GRAP2: variants seen among roughly 807,000 people sequenced by gnomAD.
GRAP2 encodes the protein GRB2-related adapter protein 2.
Under a neutral mutation model 43.5 loss-of-function variants are expected in GRAP2, and 31 were observed. The ratio of observed to expected loss-of-function variants is 0.71; its 90% confidence interval spans 0.54 to 0.96. The LOEUF (loss-of-function observed/expected upper bound fraction) is 0.96. Among genes scored for constraint, GRAP2 ranks in the 40% least tolerant of loss-of-function variants. The pLI is 0.00. For missense variants in GRAP2, 371 were observed against 424.4 expected (o/e 0.87, Z 1.11); for synonymous variants, 156 against 164.8 (o/e 0.95, Z 0.41).
rs1459399482 is a variant in GRAP2 at position 39,901,306 on chromosome 22, A to T, written c.-39A>T. ...AACTCGGTGTCAAAGCCAAGACATA[A>T]ACTCAACCCCTTCTCTTCCAAAAGG... On this transcript the variant is annotated 5_prime_UTR_variant, in exon 1 of 8. Coordinates refer to ENST00000344138, the MANE Select transcript of GRAP2 (RefSeq NM_004810.4). 1 of 1,264,356 alleles carries T rather than the reference A, an allele frequency of 7.9e-7. No homozygotes were observed. The highest frequency in any genetic ancestry group is 1.0e-6 in the Non-Finnish European group (1 of 966,128). The allele number at this position is 1,264,356 out of a possible 1,614,324, so 78.3% of individuals were successfully genotyped here.
chr22:39,942,553 G>A (rs974675163), intron 1 of GRAP2, among the ~76,000 whole-genome samples: 1 of 151,986 alleles, frequency 6.6e-6, no homozygotes. Flanking sequence ...AGGAAGCTGA[G>A]GCAGGTGGAT....
intron 1 of GRAP2, among the ~76,000 whole-genome samples, chr22:39,932,549 A>G (rs1321574645): frequency 2.6e-5 from 2 of 77,092 alleles, no homozygotes; most frequent in African/African-American, 2.3e-4. Flanking sequence ...CTGTCTCTAC[A>G]AAAAAAAAAA....
intron 1 of GRAP2, among the ~76,000 whole-genome samples, chr22:39,923,194 G>A (rs1299993958): frequency 6.6e-6 from 1 of 152,178 alleles, no homozygotes; most frequent in East Asian, 1.9e-4. Flanking sequence ...GGGCAGTGGT[G>A]CCAGATAGTG....
chr22:39,921,250 G>C (rs1350195234), intron 1 of GRAP2, among the ~76,000 whole-genome samples: 2 of 152,160 alleles, frequency 1.3e-5, no homozygotes, highest in Admixed American at 6.5e-5. Context: ...TTTCTCAGCT[G>C]TGTGACCTGG....
intron 1 of GRAP2, among the ~76,000 whole-genome samples, chr22:39,917,377 G>A (rs1316501868): frequency 2.6e-5 from 4 of 152,040 alleles, no homozygotes; most frequent in African/African-American, 4.8e-5. Context: ...CTAACAACAC[G>A]CCTCTCCCCT....
Position 39,960,086 on chromosome 22 carries a change from G to A in GRAP2, c.202G>A (p.Ala68Thr). The part of the protein sequence containing the change: ...WFHEGLSRHQ[A>T]ENLLMGKEVG... Reference sequence around the variant, plus strand: ...TCACGAAGGCCTCTCTCGACACCAGGCAGAGAACTTACTCATGGGCAAGGA... The same window carrying A: ...TCACGAAGGCCTCTCTCGACACCAGACAGAGAACTTACTCATGGGCAAGGA... Residue 68 changes from alanine (A) to threonine (T), a missense_variant, in exon 4 of 8, where the codon GCA (alanine) becomes ACA (threonine). By Grantham distance (58) the Ala-to-Thr change is moderately conservative. Transcript: ENST00000344138. 6.2e-7 allele frequency: 1 copy of A among 1,612,996 alleles called. No individual in the cohort carries two copies. Among genetic ancestry groups the A allele is most frequent in the Non-Finnish European group, 8.5e-7 (1 of 1,178,964 alleles).
At chr22:39,909,120 A>G (rs551209852) in intron 1 of GRAP2, among the ~76,000 whole-genome samples, 2 of 152,384 alleles carry the variant, frequency 1.3e-5, no homozygotes, top group African/African-American at 4.8e-5. Context: ...TTTCTTGTGT[A>G]AACAAACTCA....
At chr22:39,908,695 T>G (rs1169684094) in intron 1 of GRAP2, among the ~76,000 whole-genome samples, 1 of 152,200 alleles carries the variant, frequency 6.6e-6, no homozygotes, top group African/African-American at 2.4e-5. Flanking sequence ...CCACTCTCCC[T>G]TGGCCTTTGG....
chr22:39,952,547 T>C (rs2066997701), intron 2 of GRAP2, among the ~76,000 whole-genome samples: 6 of 152,150 alleles, frequency 3.9e-5, no homozygotes, highest in Admixed American at 3.3e-4. Context: ...TCTTTTGACC[T>C]AGATTTTCTG....
At chr22:39,954,687 A>T (rs2067028360) in intron 2 of GRAP2, among the ~76,000 whole-genome samples, 1 of 151,826 alleles carries the variant, frequency 6.6e-6, no homozygotes, top group Middle Eastern at 3.4e-3. Flanking sequence ...GAGCCACCAC[A>T]CCTGGCCTCA....
At chr22:39,904,639 C>T (rs2066512142) in intron 1 of GRAP2, among the ~76,000 whole-genome samples, 1 of 152,192 alleles carries the variant, frequency 6.6e-6, no homozygotes, top group Non-Finnish European at 1.5e-5. Flanking sequence ...ACAATTCCAT[C>T]ATTAGGCCTA....
chr22:39,929,651 C>T (rs1432566649), intron 1 of GRAP2, among the ~76,000 whole-genome samples: 1 of 152,178 alleles, frequency 6.6e-6, no homozygotes, highest in Non-Finnish European at 1.5e-5. Flanking sequence ...CTGCTGTCTC[C>T]AAAGGTTCAG....
In GRAP2 at chr22:39,971,403, C is replaced by T. The variant is rs986417799; in HGVS notation, c.*319C>T. On this transcript the variant is annotated 3_prime_UTR_variant, in exon 8 of 8. Coordinates refer to ENST00000344138, the MANE Select transcript of GRAP2 (RefSeq NM_004810.4). ...GGCCTTCAGCTGTCACTGCTTCCTC[C>T]TTGTCTTGGGAATTTTCACGGAGAA... The T allele has an allele frequency of 2.5e-5, 8 of 324,660 alleles. No homozygotes were observed. The highest frequency in any genetic ancestry group is 1.5e-4 in the African/African-American group (7 of 45,252). 20.1% of individuals were successfully genotyped at this position (324,660 alleles called of 1,614,324 possible). A position where few individuals can be genotyped will look rare whatever the true frequency, so the allele number is the denominator to read the frequency against.
chr22:39,913,115 C>G (rs1465592467), intron 1 of GRAP2, among the ~76,000 whole-genome samples: 1 of 150,944 alleles, frequency 6.6e-6, no homozygotes, highest in Non-Finnish European at 1.5e-5. Flanking sequence ...ATCGCTTATA[C>G]CTAGGAGCTG....
chr22:39,968,411 A>G (rs2267423), intron 6 of GRAP2, 139 bp downstream of exon 6: 232,486 of 888,652 alleles, frequency 0.26, 33,241 homozygotes, highest in South Asian at 0.44. Flanking sequence ...AAATAGGGAA[A>G]CTGTTCTTGG....
intron 1 of GRAP2, among the ~76,000 whole-genome samples, chr22:39,922,879 T>A (rs943135039): frequency 9.9e-5 from 15 of 151,908 alleles, no homozygotes; most frequent in African/African-American, 3.6e-4. Flanking sequence ...CCCGTTCTAC[T>A]AAAATACAAA....
chr22:39,940,498 A>G (rs1246364839), intron 1 of GRAP2, among the ~76,000 whole-genome samples: 3 of 150,896 alleles, frequency 2.0e-5, no homozygotes, highest in African/African-American at 7.3e-5. Context: ...TGTCCGTTCT[A>G]TGCTTACAAA....
At chr22:39,906,390 T>C (rs940026246) in intron 1 of GRAP2, among the ~76,000 whole-genome samples, 1 of 152,190 alleles carries the variant, frequency 6.6e-6, no homozygotes, top group Non-Finnish European at 1.5e-5. Flanking sequence ...CTTCTGAAAC[T>C]GTATTGAGAA....
intron 1 of GRAP2, among the ~76,000 whole-genome samples, chr22:39,907,109 T>G (rs1210487255): frequency 6.6e-6 from 1 of 152,196 alleles, no homozygotes; most frequent in African/African-American, 2.4e-5. Flanking sequence ...CAACCAAACA[T>G]TGAGACAACT....
Sources: gnomAD v4.1 joint callset for allele counts (sites outside exome capture counted in the v4.1 genomes callset) on GRCh38, gnomAD v4.1.1 for gene constraint, MANE v1.5 for transcripts, NCBI Gene and HGNC (gene_info 2026-07-23, HGNC 2026-07-21) for gene names.